HEPHL1: variants seen among roughly 807,000 people sequenced by gnomAD.
HEPHL1 encodes the protein hephaestin like 1.
Under a neutral mutation model 122.0 loss-of-function variants are expected in HEPHL1, and 123 were observed. The ratio of observed to expected loss-of-function variants is 1.01; its 90% CI spans 0.87 to 1.17. The LOEUF (loss-of-function observed/expected upper bound fraction) is 1.17, where lower values mean the gene tolerates loss of function less well. Among genes scored for constraint, HEPHL1 ranks in the 50% most tolerant of loss-of-function variants. The probability of loss-of-function intolerance (pLI) is 0.00; values close to 1 mark genes in which losing one functional copy is unlikely to be tolerated. For missense variants in HEPHL1, 1,452 were observed against 1,430.5 expected, an observed-to-expected ratio of 1.01 and a Z score of -0.24; for synonymous variants, 527 against 508.9, an observed-to-expected ratio of 1.04 and a Z score of -0.48.
At chr11:94,035,869 T>G (rs1412076588) in intron 1 of HEPHL1, among the ~76,000 whole-genome samples, 1 of 152,182 alleles carries the variant, frequency 6.6e-6, no homozygotes, top group African/African-American at 2.4e-5. Context: ...CCTGAGTAGC[T>G]GGGACTACAG....
intron 6 of HEPHL1, 100 bp downstream of exon 6, chr11:94,070,642 G>A: frequency 3.1e-6 from 3 of 956,332 alleles, no homozygotes; most frequent in South Asian, 3.4e-5. Flanking sequence ...GCTCTGATGA[G>A]CTTATACTGC....
chr11:94,024,236 C>T, intron 1 of HEPHL1, among the ~76,000 whole-genome samples: 1 of 152,312 alleles, frequency 6.6e-6, no homozygotes, highest in South Asian at 2.1e-4. Flanking sequence ...AATCCAGAGA[C>T]CTAACTTCTA....
At chr11:94,074,523 T>G (rs1946104288) in intron 8 of HEPHL1, among the ~76,000 whole-genome samples, 1 of 152,164 alleles carries the variant, frequency 6.6e-6, no homozygotes, top group African/African-American at 2.4e-5. Context: ...TCAGCAAACA[T>G]ACTGGGCACC....
At chr11:94,050,773 CTA>C (rs1327998027) in intron 2 of HEPHL1, among the ~76,000 whole-genome samples, 1 of 152,136 alleles carries the variant, frequency 6.6e-6, no homozygotes, top group African/African-American at 2.4e-5. Flanking sequence ...TTCTTTCTAA[CTA>C]TTTTTTTGTA....
At chr11:94,104,316 T>C (rs531844921) in intron 15 of HEPHL1, among the ~76,000 whole-genome samples, 1 of 151,920 alleles carries the variant, frequency 6.6e-6, no homozygotes, top group Non-Finnish European at 1.5e-5. Flanking sequence ...CCACGGAAAA[T>C]CACTGAAGAC....
intron 2 of HEPHL1, among the ~76,000 whole-genome samples, chr11:94,046,871 C>T (rs745857409): frequency 6.6e-6 from 1 of 152,140 alleles, no homozygotes; most frequent in Non-Finnish European, 1.5e-5. Flanking sequence ...AGGTGCTGTA[C>T]CTGCTAGGTG....
chr11:94,075,068 A>G (rs1946108686), intron 8 of HEPHL1, 106 bp from the exon 9 acceptor site: 1 of 896,420 alleles, frequency 1.1e-6, no homozygotes, highest in South Asian at 1.6e-5. Flanking sequence ...TCCTGGTACA[A>G]AATTCTTCAT....
chr11:94,046,090 G>GTTTTTTTTTTTTTT (rs1945833960), intron 2 of HEPHL1, among the ~76,000 whole-genome samples, 173 bp downstream of exon 2: 1 of 6,988 alleles, frequency 1.4e-4, no homozygotes, highest in Non-Finnish European at 3.0e-4. Context: ...TCCCTTTCTT[G>GTTTTTTTTTTTTTT]CTTTTTTTTT....
chr11:94,067,750 G>A lies in HEPHL1; in HGVS notation c.1063G>A (p.Ala355Thr), dbSNP rs774463623. The stretch of plus-strand genomic sequence containing the variant: ...CTGCCAGGTCAGCGACCACCTACAA[G>A]GTAAAAAGGATAAAGACCAGAGTTG... ...ITCQVSDHLQ[A>T]GMLGQYNVDN... Residue 355 changes from alanine (A) to threonine (T), a missense_variant and splice_region_variant, in exon 5 of 20, where the codon GCT becomes ACT. Physicochemically the swap from Ala to Thr is moderately conservative, Grantham distance 58. Coordinates refer to ENST00000315765, the MANE Select transcript of HEPHL1 (RefSeq NM_001098672.2). 1.2e-4 allele frequency: 200 copies of A among 1,612,934 alleles called. No individual in the cohort carries two copies. Among genetic ancestry groups the A allele is most frequent in the Non-Finnish European group, 1.5e-4 (180 of 1,179,576 alleles).
At chr11:94,056,546 G>T (rs1409154614) in intron 2 of HEPHL1, among the ~76,000 whole-genome samples, 1 of 151,902 alleles carries the variant, frequency 6.6e-6, no homozygotes, top group Non-Finnish European at 1.5e-5. Flanking sequence ...TTTGCCTCGG[G>T]ATTGTAATAT....
chr11:94,087,727 C>A (rs1946229680), intron 11 of HEPHL1, among the ~76,000 whole-genome samples: 1 of 152,102 alleles, frequency 6.6e-6, no homozygotes, highest in Admixed American at 6.5e-5. Context: ...AGTCTGTCTT[C>A]AAAGGTATCT....
chr11:94,085,479 A>C (rs1361126915), intron 10 of HEPHL1, among the ~76,000 whole-genome samples: 1 of 152,242 alleles, frequency 6.6e-6, no homozygotes, highest in East Asian at 1.9e-4. Context: ...TATACTGTCA[A>C]TTGATTTAAA....
At chr11:94,089,847 CAAAT>C (rs555568181) in intron 12 of HEPHL1, among the ~76,000 whole-genome samples, 12 of 152,188 alleles carry the variant, frequency 7.9e-5, no homozygotes, top group African/African-American at 2.6e-4. Context: ...TTTTGAAAGA[CAAAT>C]AAATCCACGT....
chr11:94,057,112 C>T (rs1591471800), intron 2 of HEPHL1, among the ~76,000 whole-genome samples: 2 of 152,140 alleles, frequency 1.3e-5, no homozygotes, highest in East Asian at 3.8e-4. Context: ...GATAAGAAGT[C>T]AACCATTAAT....
intron 1 of HEPHL1, among the ~76,000 whole-genome samples, chr11:94,038,440 GA>G (rs1348520307): frequency 1.5e-4 from 15 of 101,714 alleles, no homozygotes; most frequent in Admixed American, 2.1e-4. Context: ...AAGTTGAAAT[GA>G]AGGAAAAAAT....
rs1945581750 is a variant in HEPHL1, at chr11:94,021,509, T to C, written c.141T>C (p.Val47=). The C allele has an allele frequency of 1.2e-6, 2 of 1,610,642 alleles. No individual in the cohort carries two copies. The change falls in exon 1 of 20, where the codon GTT becomes GTC. Residue 47 remains valine (V), a synonymous_variant. Transcript: ENST00000315765. ...ACTATGTACCCCAAGGGAAGAATGT[T>C]ATTACTGGGAAAAGTTTCACAGAAG... The part of the protein sequence containing the change: ...YWNYVPQGKN[V]ITGKSFTEDK...
intron 1 of HEPHL1, among the ~76,000 whole-genome samples, chr11:94,026,520 G>T (rs538620363): frequency 6.6e-6 from 1 of 152,298 alleles, no homozygotes; most frequent in African/African-American, 2.4e-5. Context: ...TCCCCATCTT[G>T]CTTTTCCCAC....
rs766572996 is a variant in HEPHL1, at chr11:94,075,261, G to A, written c.1592G>A (p.Gly531Asp). The A allele has an allele frequency of 1.9e-6, 3 of 1,613,526 alleles. No individual in the cohort carries two copies. Among genetic ancestry groups the A allele is most frequent in the South Asian group, 2.2e-5 (2 of 91,072 alleles). ...CCTGAGAGCGTAAGCCCAACTGCTG[G>A]TGATCCTCCCTGTCTGACCTATCTT... ...TVPESVSPTA[G>D]DPPCLTYLYF... The change falls in exon 9 of 20, where the codon GGT becomes GAT. Residue 531 changes from glycine to aspartate, a missense_variant. Transcript: ENST00000315765.
intron 14 of HEPHL1, among the ~76,000 whole-genome samples, chr11:94,102,422 G>A (rs1035865987): frequency 2.0e-5 from 3 of 152,142 alleles, no homozygotes; most frequent in Non-Finnish European, 2.9e-5. Context: ...GATCTCACCT[G>A]CCCACTTGAG....
Sources: allele counts gnomAD v4.1 joint callset (sites outside exome capture counted in the v4.1 genomes callset), GRCh38; gene constraint gnomAD v4.1.1; transcripts MANE v1.5; gene names NCBI Gene and HGNC (gene_info 2026-07-23, HGNC 2026-07-21).